HLA-DRB1: variants seen among roughly 807,000 people sequenced by gnomAD.
HLA-DRB1 encodes major histocompatibility complex, class II, DR beta 1, also known as major histocompatibility complex, class II, DR beta 1 precursor.
In HLA-DRB1, 10 loss-of-function variants were observed where a neutral mutation model predicts 27.9. The ratio of observed to expected loss-of-function variants is 0.36; its 90% CI spans 0.22 to 0.61. HLA-DRB1 has a LOEUF of 0.61. HLA-DRB1 is among the 20% of genes least tolerant of loss of function. The pLI is 0.73. For missense variants in HLA-DRB1, 118 were observed against 306.3 expected (o/e 0.39, Z 4.59); for synonymous variants, 57 against 126.7 (o/e 0.45, Z 3.69).
At chr6:32,579,089 T>C (rs9269693) in exon 6 of HLA-DRB1, 144,475 of 605,038 alleles carry the variant, frequency 0.24, 49,838 homozygotes, top group African/African-American at 0.52. Context: ...GTCATCTGCA[T>C]TTCAGCTCAG....
intron 1 of HLA-DRB1, among the ~76,000 whole-genome samples, chr6:32,587,833 G>C (rs34014053): frequency 7.4e-6 from 1 of 134,810 alleles, no homozygotes; most frequent in African/African-American, 2.9e-5. Flanking sequence ...CTACTCTTGT[G>C]TAACTTCCAT....
At chr6:32,585,514 C>T (rs1443773114) in intron 1 of HLA-DRB1, among the ~76,000 whole-genome samples, 1 of 99,876 alleles carries the variant, frequency 1.0e-5, no homozygotes, top group Non-Finnish European at 2.0e-5. Context: ...ATAATAAACA[C>T]TCGAATACAT....
At chr6:32,585,990 A>G (rs1357341369) in intron 1 of HLA-DRB1, among the ~76,000 whole-genome samples, 15,436 of 82,796 alleles carry the variant, frequency 0.19, 2,306 homozygotes, top group Admixed American at 0.19. Flanking sequence ...CATTTTATTT[A>G]TCACTCCATT....
chr6:32,586,025 T>C (rs34136402), intron 1 of HLA-DRB1, among the ~76,000 whole-genome samples: 1,972 of 116,096 alleles, frequency 0.017, no homozygotes, highest in Admixed American at 0.028. Context: ...TAATAACTGG[T>C]ATATGCTATG....
At chr6:32,580,475 C>T (rs12110876) in intron 4 of HLA-DRB1, among the ~76,000 whole-genome samples, 32,901 of 96,804 alleles carry the variant, frequency 0.34, 1,659 homozygotes, top group Middle Eastern at 0.44. Context: ...TTCCATTAGC[C>T]TTAGTGGCTC....
At chr6:32,584,248 C>T (rs55917654) in exon 2 of HLA-DRB1, 2 of 1,524,180 alleles carry the variant, frequency 1.3e-6, no homozygotes, top group Non-Finnish European at 1.8e-6. Flanking sequence ...CCGTCACCGC[C>T]CGGAACTCCC....
In HLA-DRB1 at chr6:32,584,489, G is replaced by C. The variant is rs1263938903; in HGVS notation, c.101-111C>G. 6,403 of 674,004 alleles carry C rather than the reference G, an allele frequency of 9.5e-3. 435 individuals carry two copies. Among genetic ancestry groups the C allele is most frequent in the South Asian group, 0.04 (2,142 of 53,658 alleles). 41.8% of individuals were successfully genotyped at this position (674,004 alleles called of 1,614,324 possible). On this transcript the variant is annotated intron_variant, in intron 1 of 5. Coordinates refer to ENST00000360004, the Ensembl canonical transcript of HLA-DRB1. The stretch of plus-strand genomic sequence containing the variant: ...GGGTGCGGGCGCTGGAACCTTAACC[G>C]GCCCCACCCGCAACGCCCACCACCT...
At chr6:32,584,510 C>G (rs28724115) in intron 1 of HLA-DRB1, 132 bp from the exon 2 acceptor site, 7,126 of 575,394 alleles carry the variant, frequency 0.012, 606 homozygotes, top group South Asian at 0.046. Context: ...CAACGCCCAC[C>G]ACCTGCAGCC....
At chr6:32,585,719 C>T (rs1776295547) in intron 1 of HLA-DRB1, among the ~76,000 whole-genome samples, 1 of 111,442 alleles carries the variant, frequency 9.0e-6, no homozygotes, top group Admixed American at 1.0e-4. Flanking sequence ...TATACCTAAA[C>T]CTCACACAAA....
At chr6:32,588,481 G>A (rs1776851728) in intron 1 of HLA-DRB1, among the ~76,000 whole-genome samples, 1 of 74,860 alleles carries the variant, frequency 1.3e-5, no homozygotes, top group Non-Finnish European at 2.7e-5. Flanking sequence ...CTCTTTCAAT[G>A]AATCTCATAG....
chr6:32,586,477 C>T (rs111405624), intron 1 of HLA-DRB1, among the ~76,000 whole-genome samples: 11,420 of 68,542 alleles, frequency 0.17, 24 homozygotes, highest in Middle Eastern at 0.23. Flanking sequence ...AATCTATTTT[C>T]CTGGACTTAC....
At chr6:32,585,340 T>C (rs9270021) in intron 1 of HLA-DRB1, among the ~76,000 whole-genome samples, 3,795 of 72,138 alleles carry the variant, frequency 0.053, 103 homozygotes, top group Non-Finnish European at 0.058. Context: ...TCAAACTCTA[T>C]AATCAGAAAA....
chr6:32,580,677 C>CAT, intron 4 of HLA-DRB1, 69 bp downstream of exon 4: 2 of 1,343,714 alleles, frequency 1.5e-6, no homozygotes, highest in Non-Finnish European at 2.1e-6. Context: ...TGAGAACTAA[C>CAT]CTCAGCAAAG....
intron 1 of HLA-DRB1, among the ~76,000 whole-genome samples, chr6:32,588,482 A>G (rs9270203): frequency 0.21 from 8,964 of 43,302 alleles, 2,369 homozygotes; most frequent in Middle Eastern, 0.56. Flanking sequence ...TCTTTCAATG[A>G]ATCTCATAGT....
intron 2 of HLA-DRB1, among the ~76,000 whole-genome samples, chr6:32,582,568 G>A (rs1775710808): frequency 8.8e-6 from 1 of 113,676 alleles, no homozygotes; most frequent in Non-Finnish European, 1.8e-5. Context: ...CTGCCCCTGG[G>A]AAGGTGGGAC....
exon 3 of HLA-DRB1, chr6:32,581,835 T>G (rs756774358): frequency 8.2e-7 from 1 of 1,213,942 alleles, no homozygotes; most frequent in African/African-American, 2.0e-5. Flanking sequence ...CACCTTAGGT[T>G]GGACTAGGAG....
At chr6:32,587,709 T>A (rs34317255) in intron 1 of HLA-DRB1, among the ~76,000 whole-genome samples, 1 of 83,068 alleles carries the variant, frequency 1.2e-5, no homozygotes, top group African/African-American at 5.6e-5. Flanking sequence ...TGAACTAAAG[T>A]AGGTGAATCC....
exon 6 of HLA-DRB1, chr6:32,579,074 A>AAT: frequency 1.4e-6 from 1 of 699,850 alleles, no homozygotes; most frequent in Non-Finnish European, 2.0e-6. Flanking sequence ...TCTTCCTTGA[A>AAT]TGTGGTCATC....
At chr6:32,586,218 G>A (rs9270062) in intron 1 of HLA-DRB1, among the ~76,000 whole-genome samples, 38,959 of 71,212 alleles carry the variant, frequency 0.55, 13,088 homozygotes, top group Middle Eastern at 0.72. Context: ...TTTCCTTTAG[G>A]TTCAGCTGGC....
Sources: gnomAD v4.1 joint callset for allele counts (sites outside exome capture counted in the v4.1 genomes callset) on GRCh38, gnomAD v4.1.1 for gene constraint, MANE v1.5 for transcripts, NCBI Gene and HGNC (gene_info 2026-07-23, HGNC 2026-07-21) for gene names.